The following KIAA0319L variants were observed in gnomAD, a reference collection of about 807,000 sequenced individuals.
KIAA0319L encodes the protein dyslexia-associated protein KIAA0319-like protein.
Under a neutral mutation model 120.1 loss-of-function variants are expected in KIAA0319L, and 55 were observed. The ratio of observed to expected loss-of-function variants is 0.46; its 90% CI spans 0.37 to 0.57. KIAA0319L has a LOEUF of 0.57. Ranked by LOEUF, KIAA0319L falls within the 20% of genes least tolerant of loss-of-function variation. The pLI, the probability that KIAA0319L is intolerant of heterozygous loss-of-function variation, is 0.00. For missense variants in KIAA0319L, 1,049 were observed against 1,255.3 expected (o/e 0.84, Z 2.48); for synonymous variants, 398 against 471.9 (o/e 0.84, Z 2.03).
chr1:35,444,331 A>G, intron 16 of KIAA0319L, 28 bp from the exon 17 acceptor site: 3 of 1,564,070 alleles, frequency 1.9e-6, no homozygotes, highest in Non-Finnish European at 2.6e-6. Flanking sequence ...AGTACTAATG[A>G]GCTGAAGCGG....
At position 35,448,346 on chromosome 1, in the gene KIAA0319L, G is replaced by C; in HGVS notation, c.2354-14C>G. 1 of 1,611,860 alleles carries C rather than the reference G, an allele frequency of 6.2e-7. No homozygotes were observed. The highest frequency in any genetic ancestry group is 8.5e-7 in the Non-Finnish European group (1 of 1,178,778). Reference sequence around the variant, plus strand: ...TTTTCCTGGGATCTGGAAAGCATGTGGATCAGTCATGGCTTTAGAAGTAGG... The same window carrying C: ...TTTTCCTGGGATCTGGAAAGCATGTCGATCAGTCATGGCTTTAGAAGTAGG... On this transcript the variant is annotated splice_polypyrimidine_tract_variant and intron_variant, in intron 15 of 20. Coordinates refer to ENST00000325722, the MANE Select transcript of KIAA0319L (RefSeq NM_024874.5).
At chr1:35,543,647 G>A (rs1001663431) in intron 2 of KIAA0319L, among the ~76,000 whole-genome samples, 2 of 152,208 alleles carry the variant, frequency 1.3e-5, no homozygotes, top group African/African-American at 4.8e-5. Context: ...GGCAAGTGAG[G>A]GCAAGGCCTA....
chr1:35,525,811 T>C (rs1646103898), intron 2 of KIAA0319L, among the ~76,000 whole-genome samples: 1 of 152,202 alleles, frequency 6.6e-6, no homozygotes, highest in East Asian at 1.9e-4. Context: ...TGTTGTTTCA[T>C]TTGCTGTGCA....
intron 13 of KIAA0319L, among the ~76,000 whole-genome samples, chr1:35,451,181 G>A (rs1382138518): frequency 1.3e-5 from 2 of 152,230 alleles, no homozygotes; most frequent in African/African-American, 2.4e-5. Context: ...GCTGGCCTCA[G>A]CTCAAAGGCT....
At position 35,475,723 on chromosome 1, in the gene KIAA0319L, C is replaced by T. The variant is rs567711335; in HGVS notation, c.914-817G>A. Among the ~76,000 whole-genome samples the T allele has an allele frequency of 3.9e-5, 6 of 152,298 alleles. No individual in the cohort carries two copies. In the East Asian group the frequency reaches 1.2e-3, roughly 29 times the overall value. On this transcript the variant is annotated intron_variant, in intron 4 of 20. Coordinates refer to ENST00000325722, the MANE Select transcript of KIAA0319L (RefSeq NM_024874.5). ...TATTCTGTCTTCCTAAAACAACCAA[C>T]ACCATTAGTCTTTCCAAAATACTCA...
At chr1:35,554,572 C>T in intron 1 of KIAA0319L, 53 bp from the exon 2 acceptor site, 29 of 1,228,342 alleles carry the variant, frequency 2.4e-5, no homozygotes, top group Non-Finnish European at 3.0e-5. Context: ...ATAATTAATT[C>T]CTGGAAATGT....
chr1:35,493,951 T>C (rs538542918), intron 3 of KIAA0319L, among the ~76,000 whole-genome samples: 68 of 152,244 alleles, frequency 4.5e-4, no homozygotes, highest in African/African-American at 1.5e-3. Context: ...TACACTGTGC[T>C]CATGGGTCTG....
rs1261593220 is a variant in KIAA0319L, at chr1:35,453,173, T to C, written c.1913+384A>G. Among the ~76,000 whole-genome samples the C allele has an allele frequency of 2.6e-5, 4 of 152,230 alleles. No homozygotes were observed. The East Asian group carries it at 7.7e-4, about 29-fold the overall frequency. Reference sequence around the variant, plus strand: ...TGGATGTATTTTCAATTTCTCTTAATAGCTGCTCTGCCCCATCCCCCGTGC... The same window carrying C: ...TGGATGTATTTTCAATTTCTCTTAACAGCTGCTCTGCCCCATCCCCCGTGC... On this transcript the variant is annotated intron_variant, in intron 12 of 20. Transcript: ENST00000325722. This position sits in a 1 kb window ranked among gnomAD's most constrained non-coding sequence, Gnocchi z 4.1.
intron 3 of KIAA0319L, among the ~76,000 whole-genome samples, chr1:35,503,505 A>G (rs532014031): frequency 2.6e-5 from 4 of 152,338 alleles, no homozygotes; most frequent in African/African-American, 9.6e-5. Context: ...CCATCTCTTC[A>G]GAGCAAGAAA....
intron 11 of KIAA0319L, 103 bp downstream of exon 11, chr1:35,454,259 C>T: frequency 8.0e-7 from 1 of 1,250,482 alleles, no homozygotes; most frequent in Non-Finnish European, 1.1e-6. Context: ...GGATCGGTGC[C>T]TTCTGCTTCT....
At chr1:35,479,290 T>C in intron 3 of KIAA0319L, 78 bp from the exon 4 acceptor site, 5 of 1,188,106 alleles carry the variant, frequency 4.2e-6, no homozygotes, top group Non-Finnish European at 5.9e-6. Flanking sequence ...AACAATAGTC[T>C]ATTAAATGTT....
intron 2 of KIAA0319L, among the ~76,000 whole-genome samples, chr1:35,532,875 T>A (rs183548477): frequency 2.0e-5 from 3 of 152,296 alleles, no homozygotes; most frequent in Non-Finnish European, 4.4e-5. Context: ...AATTCCCCTC[T>A]TTCTAAAATC....
chr1:35,518,651 T>G (rs1038029407), intron 2 of KIAA0319L, among the ~76,000 whole-genome samples: 1 of 152,130 alleles, frequency 6.6e-6, no homozygotes, highest in Non-Finnish European at 1.5e-5. Flanking sequence ...AACAAACCCC[T>G]GTGACACGAG....
chr1:35,438,607 C>T (rs1025400316), intron 20 of KIAA0319L: 1 of 150,454 alleles, frequency 6.6e-6, no homozygotes, highest in African/African-American at 2.5e-5. Context: ...TTCACACCCC[C>T]AGGTTCTAGC....
At chr1:35,462,895 G>A (rs962043356) in intron 7 of KIAA0319L, among the ~76,000 whole-genome samples, 182 bp from the exon 8 acceptor site, 2 of 152,158 alleles carry the variant, frequency 1.3e-5, no homozygotes, top group Non-Finnish European at 2.9e-5. Flanking sequence ...GTTGGGGGCT[G>A]GGGTGCAGTG....
chr1:35,537,385 CTTTT>C (rs138689877), intron 2 of KIAA0319L, among the ~76,000 whole-genome samples: 3 of 126,794 alleles, frequency 2.4e-5, no homozygotes, highest in South Asian at 2.6e-4. Context: ...CTTTCCTTTC[CTTTT>C]TTTTTTTTTT....
chr1:35,455,579 T>A (rs1425968079), intron 10 of KIAA0319L, among the ~76,000 whole-genome samples: 10 of 140,624 alleles, frequency 7.1e-5, no homozygotes, highest in African/African-American at 2.4e-4. Flanking sequence ...GATAATTTTT[T>A]TTTTTTTTTT....
At chr1:35,452,315 G>A (rs903404581) in intron 12 of KIAA0319L, among the ~76,000 whole-genome samples, 1 of 152,176 alleles carries the variant, frequency 6.6e-6, no homozygotes, top group African/African-American at 2.4e-5. Context: ...TCCTGGACAG[G>A]GGCCATCAAG....
chr1:35,447,278 C>T (rs1295408164), intron 16 of KIAA0319L, among the ~76,000 whole-genome samples: 31 of 150,040 alleles, frequency 2.1e-4, no homozygotes, highest in Admixed American at 2.1e-3. Context: ...AAATTCCTTG[C>T]TTTTAAAAAC....
Sources: allele counts gnomAD v4.1 joint callset (sites outside exome capture counted in the v4.1 genomes callset), GRCh38; gene constraint gnomAD v4.1.1; non-coding constraint Gnocchi (gnomAD v3.1); transcripts MANE v1.5; gene names NCBI Gene and HGNC (gene_info 2026-07-23, HGNC 2026-07-21).